The following MTHFD2L variants were observed in gnomAD, a reference collection of about 807,000 sequenced individuals.
MTHFD2L encodes the protein methylenetetrahydrofolate dehydrogenase (NADP+ dependent) 2 like, also known as bifunctional methylenetetrahydrofolate dehydrogenase/cyclohydrolase 2, mitochondrial.
Under a neutral mutation model 34.9 loss-of-function variants are expected in MTHFD2L, and 29 were observed. The ratio of observed to expected loss-of-function variants is 0.83; its 90% CI spans 0.62 to 1.13. The LOEUF is 1.13. MTHFD2L is among the 50% of genes most tolerant of loss of function. The pLI is 0.00. For missense variants in MTHFD2L, 481 were observed against 446.5 expected (o/e 1.08, Z -0.70); for synonymous variants, 167 against 155.7 (o/e 1.07, Z -0.54).
intron 5 of MTHFD2L, among the ~76,000 whole-genome samples, chr4:74,206,800 C>T (rs1735404616): frequency 6.6e-6 from 1 of 152,090 alleles, no homozygotes; most frequent in South Asian, 2.1e-4. Flanking sequence ...ATTTATTTTT[C>T]CTTCAAGATT....
intron 1 of MTHFD2L, among the ~76,000 whole-genome samples, chr4:74,142,975 A>G (rs1259386026): frequency 2.0e-5 from 3 of 152,226 alleles, no homozygotes; most frequent in Admixed American, 6.5e-5. Context: ...GTGTTGTCTG[A>G]AATCACCAAT....
At chr4:74,233,215 C>T (rs1740345434) in intron 6 of MTHFD2L, among the ~76,000 whole-genome samples, 1 of 152,012 alleles carries the variant, frequency 6.6e-6, no homozygotes. Context: ...GTTACCATTA[C>T]CAATCAGTAT....
At chr4:74,232,422 G>A (rs912426399) in intron 6 of MTHFD2L, among the ~76,000 whole-genome samples, 9 of 151,984 alleles carry the variant, frequency 5.9e-5, no homozygotes, top group African/African-American at 1.5e-4. Context: ...TTTATCCACC[G>A]TCCCAGTCTC....
intron 5 of MTHFD2L, among the ~76,000 whole-genome samples, chr4:74,204,425 A>G (rs1341586001): frequency 6.6e-6 from 1 of 152,164 alleles, no homozygotes; most frequent in Non-Finnish European, 1.5e-5. Flanking sequence ...ATCATGTGTG[A>G]AGTAACATGA....
At chr4:74,291,473 A>T (rs1237274750) in intron 7 of MTHFD2L, among the ~76,000 whole-genome samples, 2 of 152,200 alleles carry the variant, frequency 1.3e-5, no homozygotes, top group African/African-American at 4.8e-5. Flanking sequence ...AAAAGCTTTC[A>T]TGCAGAGTAA....
intron 5 of MTHFD2L, among the ~76,000 whole-genome samples, chr4:74,201,583 GGCTATAT>G (rs1734447050): frequency 8.6e-6 from 1 of 116,456 alleles, no homozygotes; most frequent in Non-Finnish European, 1.8e-5. Flanking sequence ...TTTTTTTTTT[GGCTATAT>G]GCACTTTGTT....
At chr4:74,142,712 T>C (rs1038392257) in intron 1 of MTHFD2L, among the ~76,000 whole-genome samples, 6 of 152,228 alleles carry the variant, frequency 3.9e-5, no homozygotes, top group African/African-American at 1.4e-4. Flanking sequence ...AAGTACCTCC[T>C]TTCACATTTC....
At chr4:74,264,090 A>T (rs190353848) in intron 6 of MTHFD2L, among the ~76,000 whole-genome samples, 2 of 152,120 alleles carry the variant, frequency 1.3e-5, no homozygotes, top group Non-Finnish European at 2.9e-5. Flanking sequence ...TGAAAACCTT[A>T]CAGTTTTCAT....
chr4:74,191,717 A>AT (rs1732558639), intron 3 of MTHFD2L, among the ~76,000 whole-genome samples: 1 of 151,442 alleles, frequency 6.6e-6, no homozygotes, highest in Admixed American at 6.6e-5. Context: ...CGCCCAGGTA[A>AT]TTTTTTGTAT....
chr4:74,284,939 C>T (rs912953485), intron 7 of MTHFD2L, among the ~76,000 whole-genome samples: 2 of 152,042 alleles, frequency 1.3e-5, no homozygotes, highest in African/African-American at 4.8e-5. Context: ...TGGAACCAAC[C>T]CAAATGTCCA....
At chr4:74,188,747 T>TATGGGTATATATATGTGTATAC (rs1731840633) in intron 3 of MTHFD2L, among the ~76,000 whole-genome samples, 2 of 143,456 alleles carry the variant, frequency 1.4e-5, no homozygotes, top group African/African-American at 5.6e-5. Context: ...TATGTATATA[T>TATGGGTATATATATGTGTATAC]ATATGGGTAT....
intron 1 of MTHFD2L, among the ~76,000 whole-genome samples, chr4:74,132,221 C>T (rs1357899403): frequency 6.6e-6 from 1 of 152,070 alleles, no homozygotes; most frequent in Non-Finnish European, 1.5e-5. Flanking sequence ...ACCATTTGAC[C>T]AGCAATCTCA....
intron 2 of MTHFD2L, among the ~76,000 whole-genome samples, chr4:74,115,786 T>C (rs1721646655): frequency 6.6e-6 from 1 of 152,230 alleles, no homozygotes; most frequent in South Asian, 2.1e-4. Context: ...TCAATAAAAA[T>C]AGCTATTATC....
At chr4:74,298,369 G>A (rs2110331066) in intron 7 of MTHFD2L, among the ~76,000 whole-genome samples, 1 of 152,144 alleles carries the variant, frequency 6.6e-6, no homozygotes, top group South Asian at 2.1e-4. Flanking sequence ...AGGCAGGACA[G>A]GGTGAATATG....
upstream of MTHFD2L, among the ~76,000 whole-genome samples, chr4:74,155,911 A>T (rs1045956043): frequency 0.11 from 26 of 244 alleles, no homozygotes; most frequent in South Asian, 0.25. Flanking sequence ...ATGTGATTTA[A>T]AAAAAAAAAA....
chr4:74,260,856 C>T (rs28436705), intron 6 of MTHFD2L, among the ~76,000 whole-genome samples: 37,590 of 151,278 alleles, frequency 0.25, 4,778 homozygotes, highest in African/African-American at 0.3. Context: ...TTACTCATAA[C>T]CTTCTATAAA....
At chr4:74,134,873 G>T (rs754153906) in intron 1 of MTHFD2L, among the ~76,000 whole-genome samples, 4 of 151,866 alleles carry the variant, frequency 2.6e-5, no homozygotes, top group Non-Finnish European at 5.9e-5. Context: ...GCAGAGAAGA[G>T]AATCAATGAG....
chr4:74,255,397 C>T (rs1560535190), intron 6 of MTHFD2L, among the ~76,000 whole-genome samples: 1 of 151,856 alleles, frequency 6.6e-6, no homozygotes, highest in Non-Finnish European at 1.5e-5. Context: ...AAGCATAATA[C>T]TACAAATATC....
At chr4:74,243,091 C>T (rs1175549587) in intron 6 of MTHFD2L, among the ~76,000 whole-genome samples, 1 of 152,120 alleles carries the variant, frequency 6.6e-6, no homozygotes, top group African/African-American at 2.4e-5. Context: ...TAGAAGGGGA[C>T]TTGGTCAAGT....
Sources: gnomAD v4.1 joint callset for allele counts (sites outside exome capture counted in the v4.1 genomes callset) on GRCh38, gnomAD v4.1.1 for gene constraint, MANE v1.5 for transcripts, NCBI Gene and HGNC (gene_info 2026-07-23, HGNC 2026-07-21) for gene names.